Variants in NRG3 observed in about 807,000 individuals in gnomAD.
NRG3 encodes neuregulin 3.
NRG3 carries 31 observed loss-of-function variants against 66.9 expected under a neutral mutation model. That is an observed-to-expected ratio of 0.46 (90% CI 0.35 to 0.63). The LOEUF (loss-of-function observed/expected upper bound fraction) is 0.63, where lower values mean the gene tolerates loss of function less well. NRG3 is among the 20% of genes least tolerant of loss of function. The pLI is 0.00. For missense variants in NRG3, 910 were observed against 878.9 expected (o/e 1.04, Z -0.45); for synonymous variants, 393 against 359.4 (o/e 1.09, Z -1.06).
At chr10:82,216,732 A>G (rs1167965463) in intron 1 of NRG3, among the ~76,000 whole-genome samples, 1 of 151,970 alleles carries the variant, frequency 6.6e-6, no homozygotes, top group African/African-American at 2.4e-5. Context: ...TTTTTGTTAA[A>G]CTGAAAATAA....
intron 8 of NRG3, among the ~76,000 whole-genome samples, chr10:82,983,189 C>G (rs1853100559): frequency 6.6e-6 from 1 of 152,190 alleles, no homozygotes; most frequent in African/African-American, 2.4e-5. Flanking sequence ...TTTTTTGTCT[C>G]TGTTTCACTG....
At chr10:82,146,871 C>T (rs1476293874) in intron 1 of NRG3, among the ~76,000 whole-genome samples, 3 of 152,132 alleles carry the variant, frequency 2.0e-5, no homozygotes, top group Non-Finnish European at 4.4e-5. Flanking sequence ...GGAGGCTTCC[C>T]TGATGGAGTG....
chr10:82,375,832 G>A (rs1315826853), intron 2 of NRG3, among the ~76,000 whole-genome samples: 4 of 152,136 alleles, frequency 2.6e-5, no homozygotes, highest in African/African-American at 7.2e-5. Context: ...AGGGTGATCC[G>A]TCGCAATTTC....
chr10:82,511,774 G>A (rs1845187940), intron 2 of NRG3, among the ~76,000 whole-genome samples: 3 of 152,054 alleles, frequency 2.0e-5, no homozygotes, highest in Admixed American at 1.3e-4. Flanking sequence ...CAAGGGAAAG[G>A]GGAAGAGTGT....
intron 2 of NRG3, among the ~76,000 whole-genome samples, chr10:82,498,077 ATTGAG>A (rs936310420): frequency 6.6e-6 from 1 of 151,036 alleles, no homozygotes; most frequent in African/African-American, 2.4e-5. Flanking sequence ...TCATTTTTTA[ATTGAG>A]TTATTTGGTT....
intron 2 of NRG3, among the ~76,000 whole-genome samples, chr10:82,501,111 T>C (rs1316705239): frequency 6.6e-6 from 1 of 152,092 alleles, no homozygotes; most frequent in Non-Finnish European, 1.5e-5. Flanking sequence ...TGTTGCAAAC[T>C]ATATGGAGCT....
chr10:82,686,021 T>C (rs2054482663), intron 2 of NRG3, among the ~76,000 whole-genome samples: 1 of 152,120 alleles, frequency 6.6e-6, no homozygotes, highest in Non-Finnish European at 1.5e-5. Flanking sequence ...TATTTTACAG[T>C]TAACATTTTT....
intron 2 of NRG3, among the ~76,000 whole-genome samples, chr10:82,391,064 C>T (rs1002837447): frequency 1.3e-5 from 2 of 152,140 alleles, no homozygotes; most frequent in African/African-American, 4.8e-5. Context: ...CATTTTTTAG[C>T]TTTTGGCTCA....
chr10:82,701,172 G>A (rs1405899737), intron 2 of NRG3, among the ~76,000 whole-genome samples: 1 of 152,012 alleles, frequency 6.6e-6, no homozygotes, highest in East Asian at 1.9e-4. Flanking sequence ...TAGAAAGCAA[G>A]CTAGTATGAG....
intron 1 of NRG3, among the ~76,000 whole-genome samples, chr10:82,276,683 G>C (rs1451044395): frequency 6.6e-6 from 1 of 151,984 alleles, no homozygotes; most frequent in African/African-American, 2.4e-5. Flanking sequence ...ATAACTTGTA[G>C]AACATAATTT....
intron 1 of NRG3, among the ~76,000 whole-genome samples, chr10:82,309,944 C>A (rs2080937340): frequency 6.6e-6 from 1 of 152,150 alleles, no homozygotes. Context: ...TGTCTCTTAA[C>A]CCACTTAAAC....
chr10:82,953,726 C>T (rs1307896404), intron 5 of NRG3, among the ~76,000 whole-genome samples: 2 of 151,820 alleles, frequency 1.3e-5, no homozygotes, highest in Non-Finnish European at 2.9e-5. Flanking sequence ...AATCCCAGCA[C>T]TTTGGGAGGC....
At chr10:82,636,585 A>G (rs922396661) in intron 2 of NRG3, among the ~76,000 whole-genome samples, 2 of 152,142 alleles carry the variant, frequency 1.3e-5, no homozygotes, top group Non-Finnish European at 2.9e-5. Flanking sequence ...GTTGCAGCAA[A>G]TGGCAGGATT....
intron 2 of NRG3, among the ~76,000 whole-genome samples, chr10:82,735,001 T>A (rs535579553): frequency 4.3e-5 from 5 of 115,672 alleles, no homozygotes; most frequent in South Asian, 2.8e-4. Context: ...AGTAAGACTC[T>A]GCCTCAAAAA....
At chr10:81,945,892 T>C (rs549072916) in intron 1 of NRG3, among the ~76,000 whole-genome samples, 2 of 152,186 alleles carry the variant, frequency 1.3e-5, no homozygotes, top group Non-Finnish European at 2.9e-5. Context: ...ATGAGATTGA[T>C]GTATCTATAA....
intron 2 of NRG3, among the ~76,000 whole-genome samples, chr10:82,524,941 C>T (rs1846543867): frequency 6.6e-6 from 1 of 151,816 alleles, no homozygotes; most frequent in South Asian, 2.1e-4. Context: ...ATCTCTCCTT[C>T]TATATTCACA....
At chr10:82,858,323 A>G (rs2063921193) in intron 3 of NRG3, among the ~76,000 whole-genome samples, 1 of 151,922 alleles carries the variant, frequency 6.6e-6, no homozygotes, top group South Asian at 2.1e-4. Flanking sequence ...CTTAAAGTCT[A>G]CTCCAGTCTT....
At chr10:82,412,156 A>G (rs918059250) in intron 2 of NRG3, among the ~76,000 whole-genome samples, 1 of 152,124 alleles carries the variant, frequency 6.6e-6, no homozygotes, top group Non-Finnish European at 1.5e-5. Context: ...CAAATTTGTG[A>G]TATTACAGTT....
intron 3 of NRG3, among the ~76,000 whole-genome samples, chr10:82,844,243 C>G (rs891466879): frequency 6.6e-6 from 1 of 152,152 alleles, no homozygotes; most frequent in Non-Finnish European, 1.5e-5. Flanking sequence ...TTAAGTGTCT[C>G]TTTCTAATTA....
Sources: gnomAD v4.1 joint callset for allele counts (sites outside exome capture counted in the v4.1 genomes callset) on GRCh38, gnomAD v4.1.1 for gene constraint, MANE v1.5 for transcripts, NCBI Gene and HGNC (gene_info 2026-07-23, HGNC 2026-07-21) for gene names.